TIMM23: variants seen among roughly 807,000 people sequenced by gnomAD.
The protein encoded by TIMM23 is mitochondrial import inner membrane translocase subunit Tim23.
TIMM23 carries 19 observed loss-of-function variants against 30.7 expected under a neutral mutation model. That is an observed-to-expected ratio of 0.62 (90% CI 0.43 to 0.91). The LOEUF (loss-of-function observed/expected upper bound fraction) is 0.91. Ranked by LOEUF, TIMM23 falls within the 40% of genes least tolerant of loss-of-function variation. The pLI is 0.00. For synonymous variants in TIMM23, 78 were observed against 98.5 expected (o/e 0.79, Z 1.23); for missense variants, 202 against 269.2 (o/e 0.75, Z 1.75).
intron 2 of TIMM23, among the ~76,000 whole-genome samples, chr10:45,977,152 G>T (rs1554913240): frequency 1.3e-5 from 2 of 149,328 alleles, no homozygotes; most frequent in East Asian, 3.9e-4. Context: ...TATTAAAATG[G>T]CAGTGCTCAC....
chr10:45,988,873 T>C (rs1838074160), intron 6 of TIMM23, 26 bp downstream of exon 6: 1 of 1,607,662 alleles, frequency 6.2e-7, no homozygotes. Context: ...TGGGGAGCCA[T>C]CTCTTAATAC....
At chr10:45,985,989 T>TA (rs1378651512) in intron 5 of TIMM23, among the ~76,000 whole-genome samples, 4 of 152,230 alleles carry the variant, frequency 2.6e-5, no homozygotes, top group Non-Finnish European at 5.9e-5. Flanking sequence ...TTTCATACCA[T>TA]ATTGTTTATG....
intron 4 of TIMM23, chr10:45,984,528 G>A (rs1212989821): frequency 2.6e-5 from 4 of 152,260 alleles, no homozygotes; most frequent in Non-Finnish European, 5.9e-5. Context: ...ACAAATTTTT[G>A]TTTCTGTAGA....
chr10:45,980,329 G>A (rs1288884300), intron 2 of TIMM23, among the ~76,000 whole-genome samples: 4 of 151,650 alleles, frequency 2.6e-5, no homozygotes, highest in Non-Finnish European at 5.9e-5. Context: ...GAACTCCTGG[G>A]TTCAAGCAGT....
intron 6 of TIMM23, among the ~76,000 whole-genome samples, chr10:46,000,730 A>G (rs1838503674): frequency 6.6e-6 from 1 of 152,250 alleles, no homozygotes. Flanking sequence ...TCCAAAGCCC[A>G]TGGACTGACT....
At chr10:45,993,575 A>T (rs1447189558) in intron 6 of TIMM23, among the ~76,000 whole-genome samples, 6 of 152,304 alleles carry the variant, frequency 3.9e-5, no homozygotes, top group African/African-American at 1.2e-4. Context: ...GTGACATGAC[A>T]TGACATGATG....
rs552645210 is a variant in TIMM23, at chr10:46,002,350, A to G, written c.515-853A>G. On this transcript the variant is annotated intron_variant, in intron 6 of 6. Transcript: ENST00000580018. ...GCCACCCCACTAAGCTAATTTTTCT[A>G]TTTTTTGCAGAGACAGGGTTTTGCC... is the stretch of plus-strand genomic sequence containing the variant. 151 of 184,490 alleles carry G rather than the reference A, an allele frequency of 8.2e-4. 1 individual carries two copies. Among genetic ancestry groups the G allele is most frequent in the African/African-American group, 3.3e-3 (138 of 41,952 alleles). 11.4% of individuals were successfully genotyped at this position (184,490 alleles called of 1,614,324 possible). A position where few individuals can be genotyped will look rare whatever the true frequency, so the allele number is the denominator to read the frequency against.
chr10:45,998,521 T>A (rs1838415651), intron 6 of TIMM23: 1 of 430,654 alleles, frequency 2.3e-6, no homozygotes, highest in Admixed American at 6.4e-5. Context: ...TGTAGAGTTG[T>A]TTGAGTAAAG....
At chr10:45,982,383 T>C in intron 2 of TIMM23, 140 bp from the exon 3 acceptor site, 1 of 761,844 alleles carries the variant, frequency 1.3e-6, no homozygotes, top group East Asian at 2.7e-5. Context: ...GCAGAAAGTT[T>C]TATTTTTGTT....
rs1195035628 is a variant in TIMM23 at position 45,992,211 on chromosome 10, A to G, written c.514+3364A>G. Among the ~76,000 whole-genome samples, 3 of 152,064 alleles carry G rather than the reference A, an allele frequency of 2.0e-5. No individual in the cohort carries two copies. In the East Asian group the frequency reaches 5.8e-4, roughly 29 times the overall value. On this transcript the variant is annotated intron_variant, in intron 6 of 6. Coordinates refer to ENST00000580018, the MANE Select transcript of TIMM23 (RefSeq NM_006327.4). ...CAGGCTGGCCTCAAGCAATCCTCCC[A>G]CCTCAGCCTCCTGAGTTGCTGGATT... is the stretch of plus-strand genomic sequence containing the variant.
chr10:46,001,708 T>C (rs1383039876), intron 6 of TIMM23, among the ~76,000 whole-genome samples: 1 of 152,150 alleles, frequency 6.6e-6, no homozygotes, highest in African/African-American at 2.4e-5. Flanking sequence ...GGTACAAAGA[T>C]GGCTACCTGA....
intron 2 of TIMM23, among the ~76,000 whole-genome samples, chr10:45,975,751 A>G (rs1837655788): frequency 6.6e-6 from 1 of 152,138 alleles, no homozygotes; most frequent in Non-Finnish European, 1.5e-5. Context: ...AAAGCACCCC[A>G]ATAAAAGTAT....
At chr10:45,974,957 C>T (rs1476941663) in intron 1 of TIMM23, among the ~76,000 whole-genome samples, 1 of 151,796 alleles carries the variant, frequency 6.6e-6, no homozygotes, top group Non-Finnish European at 1.5e-5. Flanking sequence ...CAAGGATTCT[C>T]AACCTTGCCA....
At chr10:45,984,663 G>T in intron 4 of TIMM23, 1 of 283,890 alleles carries the variant, frequency 3.5e-6, no homozygotes, top group East Asian at 9.6e-5. Flanking sequence ...ATGTTACACT[G>T]CTGGGAGAAG....
At chr10:45,994,882 A>G (rs1215374007) in intron 6 of TIMM23, among the ~76,000 whole-genome samples, 1 of 152,144 alleles carries the variant, frequency 6.6e-6, no homozygotes, top group Non-Finnish European at 1.5e-5. Context: ...TTCCAAATCT[A>G]TGAATCTGGA....
intron 6 of TIMM23, 96 bp from the exon 7 acceptor site, chr10:46,003,107 C>CCATTTCA: frequency 3.0e-6 from 3 of 999,032 alleles, no homozygotes; most frequent in Non-Finnish European, 4.6e-6. Context: ...GCCACCGTGC[C>CCATTTCA]CAGCCCATTT....
At chr10:45,997,241 A>G (rs1333862167) in intron 6 of TIMM23, among the ~76,000 whole-genome samples, 7 of 152,232 alleles carry the variant, frequency 4.6e-5, no homozygotes, top group Admixed American at 4.6e-4. Flanking sequence ...ATATACATAG[A>G]ATAGAATATT....
In TIMM23 at chr10:46,003,606, T is replaced by A. The variant is rs1318834985; in HGVS notation, c.*288T>A. On this transcript the variant is annotated 3_prime_UTR_variant, in exon 7 of 7. Coordinates refer to ENST00000580018, the MANE Select transcript of TIMM23 (RefSeq NM_006327.4). ...CTCCCCCATGAACTAGAAAACCACT[T>A]ACTCCCAGAATTCAGGTCGTGCTTG... 17 of 268,204 alleles carry A rather than the reference T, an allele frequency of 6.3e-5. No homozygotes were observed. Among genetic ancestry groups the A allele is most frequent in the African/African-American group, 3.6e-4 (16 of 44,948 alleles). The allele number at this position is 268,204 out of a possible 1,614,324, so 16.6% of individuals were successfully genotyped here. A position where few individuals can be genotyped will look rare whatever the true frequency, so the allele number is the denominator to read the frequency against.
intron 2 of TIMM23, among the ~76,000 whole-genome samples, chr10:45,980,505 A>AT (rs1837809945): frequency 3.3e-5 from 5 of 152,092 alleles, no homozygotes; most frequent in African/African-American, 1.2e-4. Flanking sequence ...CAAGTAATAA[A>AT]TTTTTTTGTT....
Sources: gnomAD v4.1 joint callset for allele counts (sites outside exome capture counted in the v4.1 genomes callset) on GRCh38, gnomAD v4.1.1 for gene constraint, MANE v1.5 for transcripts, NCBI Gene and HGNC (gene_info 2026-07-23, HGNC 2026-07-21) for gene names.